TNR: variants seen among roughly 807,000 people sequenced by gnomAD.
TNR encodes the protein tenascin R, also known as tenascin-R.
A neutral mutation model predicts 150.4 loss-of-function variants in TNR; 45 were observed. The observed-to-expected ratio is 0.30, with a 90% CI of 0.24 to 0.38. The LOEUF is 0.38. TNR is among the 10% of genes least tolerant of loss of function. TNR has a pLI of 1.00. For synonymous variants in TNR, 687 were observed against 678.4 expected (o/e 1.01, Z -0.20); for missense variants, 1,544 against 1,759.1 (o/e 0.88, Z 2.19).
rs559194241 is a variant in TNR at position 175,386,157 on chromosome 1, C to A, written c.1652G>T (p.Arg551Leu). 1 of 1,612,846 alleles carries A rather than the reference C, an allele frequency of 6.2e-7. No individual in the cohort carries two copies. The highest frequency in any genetic ancestry group is 8.5e-7 in the Non-Finnish European group (1 of 1,179,130). Residue 551 changes from arginine (R) to leucine (L), a missense_variant, in exon 8 of 23, where the codon CGG becomes CTG. Physicochemically the swap from Arg to Leu is moderately radical, Grantham distance 102. Coordinates refer to ENST00000367674, the MANE Select transcript of TNR (RefSeq NM_003285.3). ...GTATTGGCTCAGGGGAGGCTGCAGC[C>A]GGAAGGTGGTCCTCCCACCTTCCCC... ...VGGEGGRTTFRLQPPLSQYSV... is the reference protein window; with the variant it reads ...VGGEGGRTTFLLQPPLSQYSV...
At chr1:175,533,850 G>T (rs568284472) in intron 1 of TNR, among the ~76,000 whole-genome samples, 89 of 152,202 alleles carry the variant, frequency 5.8e-4, no homozygotes, top group Middle Eastern at 6.8e-3. Flanking sequence ...CTTTAACTAG[G>T]CATAGAGGAA....
intron 15 of TNR, among the ~76,000 whole-genome samples, chr1:175,357,967 A>T (rs1267799004): frequency 6.6e-6 from 1 of 152,244 alleles, no homozygotes; most frequent in Non-Finnish European, 1.5e-5. Flanking sequence ...CTGTGAGCAG[A>T]TGTGTCTGAC....
chr1:175,404,317 T>C lies in TNR; in HGVS notation c.500-701A>G, dbSNP rs76083653. On this transcript the variant is annotated intron_variant, in intron 3 of 22. Coordinates refer to ENST00000367674, the MANE Select transcript of TNR (RefSeq NM_003285.3). ...AAACCTGTCTCGCTCCCTCCCTGCC[T>C]GCCATCTGACTCACTCTGCTCATTC... 4.3e-3 allele frequency among the ~76,000 whole-genome samples: 657 copies of C among 152,260 alleles called. 5 individuals carry two copies. Among genetic ancestry groups the C allele is most frequent in the African/African-American group, 0.015 (635 of 41,542 alleles).
intron 2 of TNR, among the ~76,000 whole-genome samples, chr1:175,509,670 T>G (rs1204735266): frequency 1.3e-5 from 2 of 152,174 alleles, no homozygotes; most frequent in Admixed American, 1.3e-4. Context: ...GTCAACTCAA[T>G]AATAACTTGG....
chr1:175,622,575 C>T lies in TNR; in HGVS notation c.-164-94206G>A, dbSNP rs545219522. Reference sequence around the variant, plus strand: ...ACACCCTGTCCTTTGCCAACTCCTACGCATGTTTAAGGCCCCAGTATGGGC... The same window carrying T: ...ACACCCTGTCCTTTGCCAACTCCTATGCATGTTTAAGGCCCCAGTATGGGC... On this transcript the variant is annotated intron_variant, in intron 1 of 22. Coordinates refer to ENST00000367674, the MANE Select transcript of TNR (RefSeq NM_003285.3). 4.8e-4 allele frequency among the ~76,000 whole-genome samples: 73 copies of T among 152,306 alleles called. 1 individual carries two copies. Among genetic ancestry groups the T allele is most frequent in the Admixed American group, 3.9e-3 (59 of 15,296 alleles).
Position 175,393,770 on chromosome 1 carries a change from T to G in TNR, c.1356+10A>C, listed in dbSNP as rs1432885944. On this transcript the variant is annotated intron_variant, in intron 6 of 22. Transcript: ENST00000367674. ...TAAGTCTGTTTGGCAGTGTAACAGG[T>G]GAGTGTTACCTTTGGAATGAAGCTG... The G allele has an allele frequency of 1.3e-6, 2 of 1,593,916 alleles. No individual in the cohort carries two copies. The highest frequency in any genetic ancestry group is 3.3e-5 in the Admixed American group (2 of 59,988).
Position 175,406,345 on chromosome 1 carries a change from C to T in TNR, c.370G>A (p.Ala124Thr). ...FTHRINFPKKACPCASSAQVL... is the reference protein window; with the variant it reads ...FTHRINFPKKTCPCASSAQVL... ...TGGGCTGAACTGGCACATGGACAGG[C>T]CTTTTTGGGGAAGTTGATCCTGTGT... The change falls in exon 3 of 23, where the codon GCC becomes ACC. Residue 124 changes from alanine to threonine, a missense_variant. Ala to Thr is a moderately conservative substitution (Grantham distance 58). Around this residue, in one of 2 missense-constraint regions of TNR, gnomAD observed 1,254 missense variants for 1,329.4 expected, o/e 0.94. Transcript: ENST00000367674. 1 of 1,614,148 alleles carries T rather than the reference C, an allele frequency of 6.2e-7. No homozygotes were observed. Among genetic ancestry groups the T allele is most frequent in the African/African-American group, 1.3e-5 (1 of 75,034 alleles).
At chr1:175,385,963 T>C in intron 8 of TNR, 69 bp downstream of exon 8, 1 of 1,497,202 alleles carries the variant, frequency 6.7e-7, no homozygotes, top group South Asian at 1.3e-5. Flanking sequence ...CCTCTTGCTG[T>C]GATGACACCA....
chr1:175,454,135 G>A (rs1319078128), intron 2 of TNR, among the ~76,000 whole-genome samples: 3 of 152,242 alleles, frequency 2.0e-5, no homozygotes, highest in African/African-American at 7.2e-5. Context: ...GTCTCTTGGG[G>A]TTGTTAAAAG....
chr1:175,741,917 G>A (rs971718472), intron 1 of TNR, among the ~76,000 whole-genome samples: 3 of 152,170 alleles, frequency 2.0e-5, no homozygotes, highest in Admixed American at 1.3e-4. Context: ...CTTGAAGAAA[G>A]TGACCAGAAC....
intron 2 of TNR, among the ~76,000 whole-genome samples, chr1:175,450,253 T>G (rs1656241776): frequency 6.6e-6 from 1 of 152,212 alleles, no homozygotes; most frequent in Non-Finnish European, 1.5e-5. Context: ...GGTCTCTGGA[T>G]TCAGCAGGGC....
chr1:175,729,176 T>A (rs186038980), intron 1 of TNR, among the ~76,000 whole-genome samples: 9 of 152,272 alleles, frequency 5.9e-5, no homozygotes, highest in East Asian at 1.9e-4. Context: ...CCATTTTTTT[T>A]AAACAATAAT....
intron 1 of TNR, among the ~76,000 whole-genome samples, chr1:175,735,484 G>T (rs1667747645): frequency 2.0e-5 from 3 of 152,216 alleles, no homozygotes; most frequent in Non-Finnish European, 4.4e-5. Context: ...AATCCATTTA[G>T]ATAAACAGGC....
intron 2 of TNR, among the ~76,000 whole-genome samples, chr1:175,425,513 G>GTGTATGATA (rs1263739798): frequency 6.6e-6 from 1 of 152,306 alleles, no homozygotes; most frequent in African/African-American, 2.4e-5. Context: ...ACCATCAGAA[G>GTGTATGATA]TGTATGATAT....
chr1:175,523,120 A>G (rs1255530273), intron 2 of TNR, among the ~76,000 whole-genome samples: 2 of 152,162 alleles, frequency 1.3e-5, no homozygotes, highest in East Asian at 1.9e-4. Context: ...TATTCAATCA[A>G]TACAATCATC....
chr1:175,631,201 C>A (rs1207572003), intron 1 of TNR, among the ~76,000 whole-genome samples: 1 of 152,152 alleles, frequency 6.6e-6, no homozygotes, highest in Non-Finnish European at 1.5e-5. Context: ...CACATATGCA[C>A]CTACATACAT....
intron 4 of TNR, 74 bp from the exon 5 acceptor site, chr1:175,396,881 T>C: frequency 6.5e-7 from 1 of 1,544,752 alleles, no homozygotes; most frequent in Non-Finnish European, 8.8e-7. Flanking sequence ...ACTTTCTTCC[T>C]CACATCTCAC....
At chr1:175,476,094 A>T (rs2102123178) in intron 2 of TNR, among the ~76,000 whole-genome samples, 1 of 152,214 alleles carries the variant, frequency 6.6e-6, no homozygotes, top group Middle Eastern at 3.4e-3. Context: ...TTATCAACAC[A>T]CCTATGCCTG....
At chr1:175,367,178 G>A in intron 10 of TNR, 30 bp downstream of exon 10, 1 of 1,607,276 alleles carries the variant, frequency 6.2e-7, no homozygotes, top group Non-Finnish European at 8.5e-7. Flanking sequence ...GGCTAACCTG[G>A]TCTTCTTCCT....
Sources: allele counts gnomAD v4.1 joint callset (sites outside exome capture counted in the v4.1 genomes callset), GRCh38; gene constraint gnomAD v4.1.1; regional missense constraint gnomAD v4.1.1; transcripts MANE v1.5; gene names NCBI Gene and HGNC (gene_info 2026-07-23, HGNC 2026-07-21).